Variants in IQCM observed in about 807,000 individuals in gnomAD.
IQCM encodes the protein IQ motif containing M.
IQCM carries 45 observed loss-of-function variants against 57.6 expected under a neutral mutation model. That is an observed-to-expected ratio of 0.78 (90% CI 0.62 to 1.00). IQCM has a LOEUF of 1.00. Ranked by LOEUF, IQCM falls within the 50% of genes least tolerant of loss-of-function variation. The pLI, the probability that IQCM is intolerant of heterozygous loss-of-function variation, is 0.00. For synonymous variants in IQCM, 148 were observed against 158.9 expected, an observed-to-expected ratio of 0.93 and a Z score of 0.51; for missense variants, 468 against 511.6, an observed-to-expected ratio of 0.91 and a Z score of 0.82.
intron 12 of IQCM, among the ~76,000 whole-genome samples, chr4:149,484,180 G>C (rs969770997): frequency 5.9e-5 from 9 of 151,816 alleles, no homozygotes; most frequent in Admixed American, 2.0e-4. Context: ...CATATTTTCA[G>C]CCTGTGTGTA....
intron 12 of IQCM, among the ~76,000 whole-genome samples, chr4:149,536,087 T>TA (rs1347826760): frequency 6.6e-6 from 1 of 152,034 alleles, no homozygotes; most frequent in Non-Finnish European, 1.5e-5. Context: ...TCTTTGCCCT[T>TA]AGAGTTTGGT....
chr4:149,787,138 T>C (rs989064040), intron 2 of IQCM, among the ~76,000 whole-genome samples: 1 of 151,912 alleles, frequency 6.6e-6, no homozygotes, highest in Non-Finnish European at 1.5e-5. Flanking sequence ...TGAGAACATA[T>C]GGACACAGAG....
At chr4:149,614,052 C>T (rs962428439) in intron 8 of IQCM, among the ~76,000 whole-genome samples, 1 of 151,958 alleles carries the variant, frequency 6.6e-6, no homozygotes, top group African/African-American at 2.4e-5. Flanking sequence ...TTTTTCATGA[C>T]CTAAACCTAT....
At chr4:149,478,966 A>C (rs1403015292) in intron 12 of IQCM, among the ~76,000 whole-genome samples, 1 of 8,608 alleles carries the variant, frequency 1.2e-4, no homozygotes, top group African/African-American at 1.4e-4. Flanking sequence ...CCTCCCCCCA[A>C]ATTCTTAACA....
chr4:149,603,841 T>C (rs981756603), intron 8 of IQCM, among the ~76,000 whole-genome samples: 8 of 152,098 alleles, frequency 5.3e-5, no homozygotes, highest in African/African-American at 1.7e-4. Context: ...ATTTTTACCC[T>C]TTTTCCTCTT....
intron 12 of IQCM, among the ~76,000 whole-genome samples, chr4:149,461,401 A>G (rs1432254667): frequency 1.3e-5 from 2 of 152,160 alleles, no homozygotes; most frequent in Non-Finnish European, 2.9e-5. Flanking sequence ...AAAACCCACT[A>G]TGCTTATGAA....
intron 12 of IQCM, among the ~76,000 whole-genome samples, chr4:149,444,851 C>T (rs944055356): frequency 2.6e-5 from 4 of 151,770 alleles, no homozygotes; most frequent in South Asian, 2.1e-4. Flanking sequence ...GTTCATATAA[C>T]GTAGTTCAGA....
At chr4:149,797,557 T>C (rs1446205349) in intron 2 of IQCM, among the ~76,000 whole-genome samples, 1 of 151,868 alleles carries the variant, frequency 6.6e-6, no homozygotes, top group Admixed American at 6.6e-5. Flanking sequence ...CAGAGAGATA[T>C]CAATATTCAA....
At chr4:149,768,946 T>C (rs892084646) in intron 2 of IQCM, among the ~76,000 whole-genome samples, 14 of 152,088 alleles carry the variant, frequency 9.2e-5, no homozygotes, top group Non-Finnish European at 1.9e-4. Flanking sequence ...CTTATGGACA[T>C]TTAAGCTATC....
At chr4:149,564,817 A>G (rs1249790267) in intron 9 of IQCM, among the ~76,000 whole-genome samples, 1 of 151,298 alleles carries the variant, frequency 6.6e-6, no homozygotes, top group East Asian at 1.9e-4. Flanking sequence ...AAATTCCTAT[A>G]TATATATATA....
intron 5 of IQCM, among the ~76,000 whole-genome samples, chr4:149,731,844 A>G (rs1017131241): frequency 2.6e-5 from 4 of 151,026 alleles, no homozygotes; most frequent in Admixed American, 6.6e-5. Flanking sequence ...CGAATCTCCA[A>G]TAAGGAATAT....
intron 9 of IQCM, among the ~76,000 whole-genome samples, chr4:149,565,749 C>A (rs1750563491): frequency 6.6e-6 from 1 of 152,120 alleles, no homozygotes; most frequent in Non-Finnish European, 1.5e-5. Flanking sequence ...TATATCTAAA[C>A]ATGTATAACT....
intron 7 of IQCM, among the ~76,000 whole-genome samples, chr4:149,668,093 C>T (rs1456725574): frequency 1.3e-5 from 2 of 152,060 alleles, no homozygotes; most frequent in Admixed American, 6.6e-5. Flanking sequence ...AAAGATATTT[C>T]TCGAGAAGAG....
chr4:149,699,888 C>T (rs1367039974), intron 5 of IQCM, among the ~76,000 whole-genome samples: 4 of 151,908 alleles, frequency 2.6e-5, no homozygotes, highest in Admixed American at 2.6e-4. Flanking sequence ...TTTCCCTCCC[C>T]TTCTGTCTTT....
chr4:149,637,516 A>C (rs1757832164), intron 7 of IQCM, among the ~76,000 whole-genome samples: 2 of 152,182 alleles, frequency 1.3e-5, no homozygotes, highest in Non-Finnish European at 2.9e-5. Context: ...TTTTTCTGAA[A>C]ATTGACAAGA....
At chr4:149,510,081 A>G (rs142099317) in intron 12 of IQCM, among the ~76,000 whole-genome samples, 1 of 152,314 alleles carries the variant, frequency 6.6e-6, no homozygotes, top group East Asian at 1.9e-4. Flanking sequence ...CCACAAAAAT[A>G]TAGCAAAATT....
At chr4:149,604,172 A>G (rs1471970106) in intron 8 of IQCM, among the ~76,000 whole-genome samples, 2 of 152,210 alleles carry the variant, frequency 1.3e-5, no homozygotes, top group African/African-American at 4.8e-5. Flanking sequence ...GAGAATATGC[A>G]TATGCTACAA....
At chr4:149,373,109 A>C (rs1730472612) in intron 13 of IQCM, among the ~76,000 whole-genome samples, 1 of 152,202 alleles carries the variant, frequency 6.6e-6, no homozygotes, top group Non-Finnish European at 1.5e-5. Context: ...TGAAGTAACT[A>C]AATGTAGAAA....
At chr4:149,685,245 T>C (rs1453979632) in intron 6 of IQCM, among the ~76,000 whole-genome samples, 1 of 151,536 alleles carries the variant, frequency 6.6e-6, no homozygotes, top group East Asian at 1.9e-4. Context: ...AAAAGCTGAC[T>C]TGAAATTCTA....
Sources: gnomAD v4.1 joint callset for allele counts (sites outside exome capture counted in the v4.1 genomes callset) on GRCh38, gnomAD v4.1.1 for gene constraint, MANE v1.5 for transcripts, NCBI Gene and HGNC (gene_info 2026-07-23, HGNC 2026-07-21) for gene names.